The following PCDHA1 variants were observed in gnomAD, a reference collection of about 807,000 sequenced individuals.
PCDHA1 encodes the protein protocadherin alpha-1.
Under a neutral mutation model 61.3 loss-of-function variants are expected in PCDHA1, and 42 were observed. The observed-to-expected ratio is 0.69, with a 90% CI of 0.54 to 0.89. PCDHA1 has a LOEUF of 0.89. Ranked by LOEUF, PCDHA1 falls within the 40% of genes least tolerant of loss-of-function variation. PCDHA1 has a pLI of 0.00. For missense variants in PCDHA1, 1,256 were observed against 1,235.3 expected, an observed-to-expected ratio of 1.02 and a Z score of -0.25; for synonymous variants, 610 against 553.8, an observed-to-expected ratio of 1.10 and a Z score of -1.43.
chr5:140,801,170 G>T, intron 1 of PCDHA1: 1 of 1,563,356 alleles, frequency 6.4e-7, no homozygotes, highest in Non-Finnish European at 8.6e-7. Context: ...CAATGTAAAG[G>T]CAATCTAATA....
At chr5:140,979,937 A>G (rs563499415) in intron 2 of PCDHA1, among the ~76,000 whole-genome samples, 1 of 152,388 alleles carries the variant, frequency 6.6e-6, no homozygotes, top group African/African-American at 2.4e-5. Context: ...GTATGTGTAG[A>G]GTTAATGTGA....
At chr5:140,966,851 C>T (rs782524148) in intron 1 of PCDHA1, 15 of 1,573,232 alleles carry the variant, frequency 9.5e-6, no homozygotes, top group Middle Eastern at 1.7e-4. Context: ...ACTGCCTCTC[C>T]TGCTGCTGTT....
chr5:140,845,035 G>GC (rs1258686768), intron 1 of PCDHA1, among the ~76,000 whole-genome samples: 16 of 149,032 alleles, frequency 1.1e-4, no homozygotes, highest in African/African-American at 3.7e-4. Flanking sequence ...GCATATTTTA[G>GC]CCCCCTTGTC....
chr5:140,871,226 G>T, intron 1 of PCDHA1: 1 of 1,613,918 alleles, frequency 6.2e-7, no homozygotes, highest in South Asian at 1.1e-5. Flanking sequence ...GTGGTGTCCA[G>T]CCTCCTGGTA....
intron 1 of PCDHA1, among the ~76,000 whole-genome samples, chr5:140,902,795 A>G (rs555172255): frequency 6.8e-4 from 103 of 151,862 alleles, no homozygotes; most frequent in African/African-American, 2.3e-3. Context: ...TCTCACTTGT[A>G]TGTGAGAATA....
intron 1 of PCDHA1, chr5:140,869,081 T>C: frequency 6.3e-7 from 1 of 1,581,722 alleles, no homozygotes; most frequent in Non-Finnish European, 8.6e-7. Flanking sequence ...AGAAGCTTAT[T>C]TTGGAAGCCA....
chr5:140,890,822 A>T (rs1044008204), intron 1 of PCDHA1, among the ~76,000 whole-genome samples: 8 of 152,186 alleles, frequency 5.3e-5, no homozygotes, highest in Non-Finnish European at 1.0e-4. Flanking sequence ...TTTTAAATGT[A>T]CTTACATATT....
At chr5:140,927,183 C>G (rs1554204140) in intron 1 of PCDHA1, 2 of 1,614,042 alleles carry the variant, frequency 1.2e-6, no homozygotes, top group African/African-American at 2.7e-5. Flanking sequence ...TCTTGACCTA[C>G]GACCTGGTGC....
chr5:140,977,841 A>G lies in PCDHA1; in HGVS notation c.2395-1108A>G, dbSNP rs76111417. On this transcript the variant is annotated intron_variant, in intron 1 of 3. Transcript: ENST00000504120. The stretch of plus-strand genomic sequence containing the variant: ...TTTTGAATGGTCTATTGATATTACT[A>G]TGGCTTTGTTTCTACCAAATATGGT... Among the ~76,000 whole-genome samples the G allele has an allele frequency of 8.3e-3, 1,257 of 152,348 alleles. 23 individuals carry two copies. Among genetic ancestry groups the G allele is most frequent in the African/African-American group, 0.028 (1,184 of 41,574 alleles).
intron 1 of PCDHA1, chr5:140,842,263 C>CTTA (rs1777840904): frequency 6.2e-7 from 1 of 1,610,966 alleles, no homozygotes; most frequent in Non-Finnish European, 8.5e-7. Context: ...AACAAGAAAA[C>CTTA]TTATACAAAA....
Position 140,841,926 on chromosome 5 carries a change from G to T in PCDHA1, c.2394+53242G>T, listed in dbSNP as rs1490008187. 5.6e-6 allele frequency: 9 copies of T among 1,613,806 alleles called. No individual in the cohort carries two copies. The Admixed American group carries it at 1.5e-4, about 27-fold the overall frequency. On this transcript the variant is annotated intron_variant, in intron 1 of 3. Transcript: ENST00000504120. ...CTCGTATTAAGAAAATCCTTGGACA[G>T]AGAGGACGCTCCTGCGCACCACTTA...
intron 1 of PCDHA1, chr5:140,797,507 T>C: frequency 1.1e-6 from 1 of 879,902 alleles, no homozygotes; most frequent in Non-Finnish European, 1.7e-6. Context: ...ATTTATTGCA[T>C]TTACTGAACA....
intron 1 of PCDHA1, chr5:140,851,337 C>A: frequency 1.0e-6 from 1 of 979,030 alleles, no homozygotes; most frequent in Non-Finnish European, 1.2e-6. Flanking sequence ...TAGTTCTCTA[C>A]ATTTCTCTGG....
intron 3 of PCDHA1, among the ~76,000 whole-genome samples, chr5:141,003,770 T>A (rs1365152633): frequency 6.6e-6 from 1 of 152,246 alleles, no homozygotes; most frequent in East Asian, 1.9e-4. Flanking sequence ...TCGTATTCTG[T>A]TAAATAAACT....
At chr5:140,857,792 C>A (rs368399538) in intron 1 of PCDHA1, 3 of 1,597,430 alleles carry the variant, frequency 1.9e-6, no homozygotes, top group Non-Finnish European at 1.7e-6. Flanking sequence ...GCTGGTGCTG[C>A]GGTCGGTGGT....
intron 1 of PCDHA1, chr5:140,828,572 G>C: frequency 1.2e-6 from 2 of 1,614,228 alleles, no homozygotes; most frequent in Non-Finnish European, 8.5e-7. Flanking sequence ...GTCCGATGCA[G>C]ATGTTGGCTC....
chr5:140,876,802 G>C, intron 1 of PCDHA1: 2 of 1,614,248 alleles, frequency 1.2e-6, no homozygotes. Context: ...AGTGTCCGTG[G>C]AGGTGGCCGA....
intron 1 of PCDHA1, chr5:140,856,680 T>C: frequency 6.3e-7 from 1 of 1,596,810 alleles, no homozygotes. Context: ...AAGTTGTTGT[T>C]GACAGCAACT....
intron 1 of PCDHA1, chr5:140,825,977 A>G (rs1185654246): frequency 6.6e-6 from 1 of 152,320 alleles, no homozygotes; most frequent in Non-Finnish European, 1.5e-5. Context: ...GGGGAAAAGT[A>G]TGGATTTATA....
Sources: allele counts gnomAD v4.1 joint callset (sites outside exome capture counted in the v4.1 genomes callset), GRCh38; gene constraint gnomAD v4.1.1; transcripts MANE v1.5; gene names NCBI Gene and HGNC (gene_info 2026-07-23, HGNC 2026-07-21).